Variants in GAPVD1 observed in about 807,000 individuals in gnomAD.
GAPVD1 encodes GTPase-activating protein and VPS9 domain-containing protein 1.
GAPVD1 carries 35 observed loss-of-function variants against 155.5 expected under a neutral mutation model. That is an observed-to-expected ratio of 0.23 (90% CI 0.17 to 0.30). The LOEUF (loss-of-function observed/expected upper bound fraction) is 0.30, where lower values mean the gene tolerates loss of function less well. Ranked by LOEUF, GAPVD1 falls within the 10% of genes least tolerant of loss-of-function variation. The pLI is 1.00. For synonymous variants in GAPVD1, 636 were observed against 619.7 expected (o/e 1.03, Z -0.39); for missense variants, 1,429 against 1,775.7 (o/e 0.80, Z 3.51).
At position 125,319,461 on chromosome 9, in the gene GAPVD1, G is replaced by C. The variant is rs188676816; in HGVS notation, c.1603-1972G>C. On this transcript the variant is annotated intron_variant, in intron 9 of 27. Coordinates refer to ENST00000297933, the MANE Select transcript of GAPVD1 (RefSeq NM_001282680.3). ...CCTCTGTCACCCAGGCTGGAGTGCA[G>C]TGGTGCAATCACAGCTCACTGCAAC... Among the ~76,000 whole-genome samples, 261 of 151,132 alleles carry C rather than the reference G, an allele frequency of 1.7e-3. 2 individuals carry two copies. Among genetic ancestry groups the C allele is most frequent in the African/African-American group, 6.3e-3 (259 of 41,276 alleles).
intron 25 of GAPVD1, among the ~76,000 whole-genome samples, chr9:125,359,046 A>G (rs908234891): frequency 1.3e-5 from 2 of 152,134 alleles, no homozygotes; most frequent in Admixed American, 6.6e-5. Context: ...TGTAATTAAT[A>G]TCTTTGGTTT....
At chr9:125,328,953 G>A (rs1845652205) in intron 12 of GAPVD1, among the ~76,000 whole-genome samples, 1 of 152,212 alleles carries the variant, frequency 6.6e-6, no homozygotes, top group South Asian at 2.1e-4. Flanking sequence ...CCAACACAGT[G>A]AAACCCCGTC....
chr9:125,356,417 C>A (rs1025741039), intron 25 of GAPVD1, among the ~76,000 whole-genome samples: 1 of 152,206 alleles, frequency 6.6e-6, no homozygotes, highest in Admixed American at 6.5e-5. Flanking sequence ...AATACCCCAC[C>A]AGTTGTGACA....
intron 11 of GAPVD1, 86 bp from the exon 12 acceptor site, chr9:125,326,330 C>A: frequency 3.2e-6 from 3 of 942,440 alleles, no homozygotes; most frequent in Non-Finnish European, 4.9e-6. Context: ...CCAGCCTGAC[C>A]AACATGGAGA....
At chr9:125,263,214 C>T (rs1342083390) in intron 1 of GAPVD1, among the ~76,000 whole-genome samples, 1 of 152,204 alleles carries the variant, frequency 6.6e-6, no homozygotes, top group Non-Finnish European at 1.5e-5. Context: ...ATTTGGGAGG[C>T]CGAGGCGGGC....
At chr9:125,352,805 T>G (rs779908398) in intron 23 of GAPVD1, among the ~76,000 whole-genome samples, 1 of 152,158 alleles carries the variant, frequency 6.6e-6, no homozygotes, top group Non-Finnish European at 1.5e-5. Flanking sequence ...ATGCTCTGTT[T>G]CCCTTATAAA....
chr9:125,351,958 C>A (rs548470658), intron 23 of GAPVD1, among the ~76,000 whole-genome samples: 1 of 152,270 alleles, frequency 6.6e-6, no homozygotes, highest in African/African-American at 2.4e-5. Flanking sequence ...CCAGGCTGGT[C>A]TTGAACTCCT....
At chr9:125,263,724 G>A (rs930497784) in intron 1 of GAPVD1, 1 of 470,834 alleles carries the variant, frequency 2.1e-6, no homozygotes, top group Non-Finnish European at 3.7e-6. Context: ...CACTCCATCT[G>A]TAGGTATGTC....
At position 125,350,593 on chromosome 9, in the gene GAPVD1, A is replaced by G. The variant is rs141440557; in HGVS notation, c.3410-120A>G. The G allele has an allele frequency of 3.9e-4, 275 of 698,322 alleles. No homozygotes were observed. The African/African-American group carries it at 4.3e-3, about 11-fold the overall frequency. 43.3% of individuals were successfully genotyped at this position (698,322 alleles called of 1,614,324 possible). ...AAAGTATTTTCTAATTGGGAGTGGC[A>G]ATACAGCTTAGTTCTAATGATACGT... On this transcript the variant is annotated intron_variant, in intron 22 of 27. Coordinates refer to ENST00000297933, the MANE Select transcript of GAPVD1 (RefSeq NM_001282680.3).
chr9:125,323,879 G>T lies in GAPVD1; in HGVS notation c.1814G>T (p.Gly605Val). ...TCAGAACTTGGAGCAGGACCTTCTG[G>T]CAGTAATGGAGTTGAAGCTCTACAG... ...SVSELGAGPS[G>V]SNGVEALQLL... Residue 605 changes from glycine to valine, a missense_variant, in exon 11 of 28, where the codon GGC becomes GTC. By Grantham distance (109) the Gly-to-Val change is moderately radical. This residue lies in a region of GAPVD1 where 628 missense variants were observed against 733.4 expected (regional missense o/e 0.86). Coordinates refer to ENST00000297933, the MANE Select transcript of GAPVD1 (RefSeq NM_001282680.3). 2 of 1,613,684 alleles carry T rather than the reference G, an allele frequency of 1.2e-6. No homozygotes were observed. Among genetic ancestry groups the T allele is most frequent in the South Asian group, 1.1e-5 (1 of 91,078 alleles).
intron 2 of GAPVD1, among the ~76,000 whole-genome samples, chr9:125,288,112 A>ATTT (rs368994271): frequency 2.6e-5 from 3 of 115,312 alleles, no homozygotes; most frequent in East Asian, 2.5e-4. Flanking sequence ...ATTTTAGTTA[A>ATTT]TTTTTTTTTT....
intron 2 of GAPVD1, among the ~76,000 whole-genome samples, chr9:125,293,852 T>TTATATATATATATA (rs1161661604): frequency 2.6e-4 from 9 of 35,172 alleles, no homozygotes; most frequent in Admixed American, 4.8e-4. Context: ...AAAATATATT[T>TTATATATATATATA]TATATATATA....
rs1218191043 is a variant in GAPVD1 at position 125,362,732 on chromosome 9, G to A, written c.4369G>A (p.Asp1457Asn). ...AGCAGTAGAATTCATTAAAACCATC[G>A]ATGACCGAAAGTGACCAAGACCAAG... ...TAAVEFIKTI[D>N]DRK The change falls in exon 28 of 28, where the codon GAT becomes AAT. Residue 1457 changes from aspartate (D) to asparagine (N), a missense_variant. Asp to Asn is a conservative substitution (Grantham distance 23). Around this residue, in one of 4 missense-constraint regions of GAPVD1, gnomAD observed 102 missense variants for 196.5 expected, o/e 0.52. Transcript: ENST00000297933. The A allele has an allele frequency of 6.2e-7, 1 of 1,613,498 alleles. No homozygotes were observed. Among genetic ancestry groups the A allele is most frequent in the East Asian group, 2.2e-5 (1 of 44,850 alleles).
intron 2 of GAPVD1, among the ~76,000 whole-genome samples, chr9:125,291,318 A>ATG (rs1011164282): frequency 6.6e-6 from 1 of 151,870 alleles, no homozygotes; most frequent in Non-Finnish European, 1.5e-5. Context: ...TAGCGTTGTC[A>ATG]TGTGTGTGTG....
At chr9:125,287,461 T>C (rs1204236734) in intron 2 of GAPVD1, among the ~76,000 whole-genome samples, 1 of 152,012 alleles carries the variant, frequency 6.6e-6, no homozygotes, top group Non-Finnish European at 1.5e-5. Flanking sequence ...GCCATGATGG[T>C]GCCGCTGCAC....
At chr9:125,286,996 A>G (rs747552401) in intron 2 of GAPVD1, among the ~76,000 whole-genome samples, 6 of 152,102 alleles carry the variant, frequency 3.9e-5, no homozygotes, top group African/African-American at 1.4e-4. Flanking sequence ...AGGCAGGACA[A>G]TCGCTTGAAC....
At chr9:125,361,495 G>A (rs1850910378) in intron 27 of GAPVD1, among the ~76,000 whole-genome samples, 1 of 151,482 alleles carries the variant, frequency 6.6e-6, no homozygotes. Context: ...CTGCACTCCA[G>A]CCTGGGCAAC....
intron 1 of GAPVD1, among the ~76,000 whole-genome samples, chr9:125,267,615 A>T (rs964707879): frequency 1.3e-5 from 2 of 151,866 alleles, no homozygotes; most frequent in Non-Finnish European, 2.9e-5. Flanking sequence ...CACCATGTTG[A>T]TCAGGCTGGT....
At chr9:125,299,337 A>G (rs1293310789) in intron 4 of GAPVD1, among the ~76,000 whole-genome samples, 1 of 152,166 alleles carries the variant, frequency 6.6e-6, no homozygotes, top group Non-Finnish European at 1.5e-5. Flanking sequence ...TATCACACCA[A>G]TTGGTTTTGT....
Sources: allele counts gnomAD v4.1 joint callset (sites outside exome capture counted in the v4.1 genomes callset), GRCh38; gene constraint gnomAD v4.1.1; regional missense constraint gnomAD v4.1.1; transcripts MANE v1.5; gene names NCBI Gene and HGNC (gene_info 2026-07-23, HGNC 2026-07-21).